The following LUZP2 variants were observed in gnomAD, a reference collection of about 807,000 sequenced individuals.
LUZP2 encodes the protein leucine zipper protein 2.
A neutral mutation model predicts 51.6 loss-of-function variants in LUZP2; 52 were observed. The observed-to-expected ratio is 1.01, with a 90% CI of 0.81 to 1.27. The LOEUF (loss-of-function observed/expected upper bound fraction) is 1.27, where lower values mean the gene tolerates loss of function less well. LUZP2 is among the 50% of genes most tolerant of loss of function. The pLI is 0.00. For missense variants in LUZP2, 436 were observed against 395.4 expected, an observed-to-expected ratio of 1.10 and a Z score of -0.87; for synonymous variants, 154 against 137.3, an observed-to-expected ratio of 1.12 and a Z score of -0.85.
chr11:24,734,959 T>C (rs1858876722), intron 3 of LUZP2, among the ~76,000 whole-genome samples: 1 of 151,846 alleles, frequency 6.6e-6, no homozygotes, highest in Non-Finnish European at 1.5e-5. Context: ...GCTTCTTTTA[T>C]GTGACTCTGA....
At chr11:25,049,360 T>C (rs1052991735) in intron 9 of LUZP2, among the ~76,000 whole-genome samples, 6 of 152,222 alleles carry the variant, frequency 3.9e-5, no homozygotes, top group Admixed American at 3.9e-4. Context: ...CACATTTGAA[T>C]GGATAATCTT....
intron 1 of LUZP2, among the ~76,000 whole-genome samples, chr11:24,500,654 T>G (rs1225409975): frequency 6.6e-6 from 1 of 152,188 alleles, no homozygotes; most frequent in East Asian, 1.9e-4. Context: ...GGTTATACTC[T>G]TGATGCCTTT....
At chr11:24,569,524 A>G (rs1852357260) in intron 1 of LUZP2, among the ~76,000 whole-genome samples, 2 of 152,030 alleles carry the variant, frequency 1.3e-5, no homozygotes, top group African/African-American at 4.8e-5. Flanking sequence ...TGAATAGCAA[A>G]CTTATATACA....
At chr11:24,552,105 A>G (rs755030451) in intron 1 of LUZP2, among the ~76,000 whole-genome samples, 2 of 152,076 alleles carry the variant, frequency 1.3e-5, no homozygotes, top group Non-Finnish European at 2.9e-5. Context: ...TATGGTGGAC[A>G]AAACATGATA....
At chr11:24,945,989 C>T (rs1012843567) in intron 7 of LUZP2, among the ~76,000 whole-genome samples, 1 of 151,906 alleles carries the variant, frequency 6.6e-6, no homozygotes. Context: ...TTTCCCTAGA[C>T]CCAGGGAAAA....
At chr11:24,857,510 T>A (rs2134237664) in intron 5 of LUZP2, among the ~76,000 whole-genome samples, 1 of 151,728 alleles carries the variant, frequency 6.6e-6, no homozygotes, top group Admixed American at 6.6e-5. Flanking sequence ...ACCCAAATTA[T>A]GTTGCTTGGA....
chr11:24,795,328 G>A (rs1337066632), intron 5 of LUZP2, among the ~76,000 whole-genome samples: 2 of 151,794 alleles, frequency 1.3e-5, no homozygotes, highest in Non-Finnish European at 2.9e-5. Context: ...GGTCAGCATT[G>A]CAATATTTAT....
At chr11:25,061,840 G>C (rs1033133725) in intron 10 of LUZP2, among the ~76,000 whole-genome samples, 1 of 151,992 alleles carries the variant, frequency 6.6e-6, no homozygotes. Context: ...TGCATAAAGA[G>C]AAATGATATC....
intron 5 of LUZP2, among the ~76,000 whole-genome samples, chr11:24,896,987 C>T (rs1010000624): frequency 1.3e-5 from 2 of 152,106 alleles, no homozygotes; most frequent in Non-Finnish European, 2.9e-5. Flanking sequence ...CCAATCAATA[C>T]TCTGTGTCTA....
chr11:24,584,814 C>T (rs912687262), intron 1 of LUZP2, among the ~76,000 whole-genome samples: 2 of 152,084 alleles, frequency 1.3e-5, no homozygotes, highest in African/African-American at 2.4e-5. Context: ...ATTGAGAAGA[C>T]CAAGAAAGTA....
At chr11:24,858,654 C>T (rs960080071) in intron 5 of LUZP2, among the ~76,000 whole-genome samples, 4 of 152,092 alleles carry the variant, frequency 2.6e-5, no homozygotes, top group Admixed American at 2.0e-4. Flanking sequence ...TAAACCACTG[C>T]CTTCTGAATG....
intron 1 of LUZP2, among the ~76,000 whole-genome samples, chr11:24,551,335 A>G (rs935253343): frequency 6.6e-6 from 1 of 152,078 alleles, no homozygotes; most frequent in Non-Finnish European, 1.5e-5. Flanking sequence ...GAAGCCAGTA[A>G]TAGAAGACAA....
At chr11:24,632,575 G>A (rs779643399) in intron 1 of LUZP2, among the ~76,000 whole-genome samples, 15 of 151,918 alleles carry the variant, frequency 9.9e-5, no homozygotes, top group Non-Finnish European at 1.9e-4. Flanking sequence ...TTTTTCTTAT[G>A]TAAATGTCCA....
At chr11:24,817,132 G>A (rs1850212858) in intron 5 of LUZP2, among the ~76,000 whole-genome samples, 1 of 151,896 alleles carries the variant, frequency 6.6e-6, no homozygotes, top group Non-Finnish European at 1.5e-5. Flanking sequence ...CTCCTCTGAG[G>A]ATCATTTTCA....
intron 4 of LUZP2, chr11:24,762,971 A>G (rs897699104): frequency 2.8e-5 from 27 of 960,496 alleles, no homozygotes; most frequent in African/African-American, 5.3e-5. Context: ...AAGTTTATCC[A>G]GGCAAGAGAA....
intron 5 of LUZP2, among the ~76,000 whole-genome samples, chr11:24,812,166 T>C (rs907489190): frequency 4.6e-5 from 7 of 152,040 alleles, no homozygotes; most frequent in South Asian, 2.1e-4. Context: ...TATGTATTTT[T>C]TATGTTATGA....
chr11:25,040,791 C>T (rs1858030482), intron 9 of LUZP2, among the ~76,000 whole-genome samples: 1 of 152,104 alleles, frequency 6.6e-6, no homozygotes, highest in East Asian at 1.9e-4. Context: ...TGTCAGGACT[C>T]TAGGAAATTA....
intron 1 of LUZP2, among the ~76,000 whole-genome samples, chr11:24,581,757 T>A (rs1305154644): frequency 6.6e-6 from 1 of 151,530 alleles, no homozygotes; most frequent in African/African-American, 2.4e-5. Flanking sequence ...ATTGAGGATT[T>A]ATTGTATACT....
At chr11:24,520,133 T>A (rs1242135554) in intron 1 of LUZP2, among the ~76,000 whole-genome samples, 1 of 152,158 alleles carries the variant, frequency 6.6e-6, no homozygotes, top group Non-Finnish European at 1.5e-5. Context: ...AATGGGAGAA[T>A]TTTGAAGATT....
Sources: allele counts gnomAD v4.1 joint callset (sites outside exome capture counted in the v4.1 genomes callset), GRCh38; gene constraint gnomAD v4.1.1; transcripts MANE v1.5; gene names NCBI Gene and HGNC (gene_info 2026-07-23, HGNC 2026-07-21).